SLAMF9: variants seen among roughly 807,000 people sequenced by gnomAD.
SLAMF9 encodes the protein CD2 family member 10.
SLAMF9 carries 25 observed loss-of-function variants against 30.4 expected under a neutral mutation model. That is an observed-to-expected ratio of 0.82 (90% CI 0.60 to 1.15). The LOEUF (loss-of-function observed/expected upper bound fraction) is 1.15. Ranked by LOEUF, SLAMF9 falls within the 50% of genes most tolerant of loss-of-function variation. SLAMF9 has a pLI of 0.00. For missense variants in SLAMF9, 344 were observed against 346.1 expected, an observed-to-expected ratio of 0.99 and a Z score of 0.05; for synonymous variants, 129 against 127.2, an observed-to-expected ratio of 1.01 and a Z score of -0.09.
At chr1:159,967,841 CTATTT>C in the SLAMF9 span, among the ~76,000 whole-genome samples, 1 of 152,050 alleles carries the variant, frequency 6.6e-6, no homozygotes, top group Non-Finnish European at 1.5e-5. Flanking sequence ...TTACATCTAA[CTATTT>C]TATTTTATCT....
chr1:159,962,687 T>C, the SLAMF9 span, among the ~76,000 whole-genome samples: 2 of 152,180 alleles, frequency 1.3e-5, no homozygotes, highest in Admixed American at 6.5e-5. Context: ...AGGGAAGGCC[T>C]GCACAGTGGC....
the SLAMF9 span, among the ~76,000 whole-genome samples, chr1:159,976,214 T>C: frequency 1.3e-5 from 2 of 152,082 alleles, no homozygotes; most frequent in Non-Finnish European, 2.9e-5. Flanking sequence ...ACAACTAAGA[T>C]GGTTATTAAT....
intron 1 of SLAMF9, 23 bp downstream of exon 1, chr1:159,954,069 C>T (rs763835251): frequency 6.2e-7 from 1 of 1,613,778 alleles, no homozygotes; most frequent in Admixed American, 1.7e-5. Context: ...CATTCCTGTG[C>T]ACGAGCTGGC....
the SLAMF9 span, among the ~76,000 whole-genome samples, chr1:159,981,573 C>G: frequency 6.6e-6 from 1 of 152,242 alleles, no homozygotes; most frequent in Non-Finnish European, 1.5e-5. Flanking sequence ...CTCCTCTTTT[C>G]CATCTGCTTT....
chr1:159,963,730 T>C, the SLAMF9 span, among the ~76,000 whole-genome samples: 1 of 152,204 alleles, frequency 6.6e-6, no homozygotes. Flanking sequence ...GTAGGTTTCA[T>C]ACCACCTGCA....
At chr1:159,955,660 A>G (rs1464244528), upstream of SLAMF9, among the ~76,000 whole-genome samples, 1 of 152,234 alleles carries the variant, frequency 6.6e-6, no homozygotes, top group African/African-American at 2.4e-5. Flanking sequence ...CTAACAATTG[A>G]CATTGGACAA....
chr1:159,965,232 A>G, the SLAMF9 span, among the ~76,000 whole-genome samples: 1 of 152,260 alleles, frequency 6.6e-6, no homozygotes, highest in African/African-American at 2.4e-5. Flanking sequence ...ACAGATCTGT[A>G]CCGTCTGATC....
At chr1:159,975,604 C>G in the SLAMF9 span, among the ~76,000 whole-genome samples, 1 of 151,986 alleles carries the variant, frequency 6.6e-6, no homozygotes, top group East Asian at 1.9e-4. Flanking sequence ...TTGAATCAAA[C>G]TTGCATTCGA....
the SLAMF9 span, among the ~76,000 whole-genome samples, chr1:159,969,823 A>G: frequency 0.011 from 1,656 of 152,304 alleles, 14 homozygotes; most frequent in South Asian, 0.033. Flanking sequence ...CAGGCAGATC[A>G]TTTGAGCCCA....
the SLAMF9 span, chr1:159,976,978 G>GAAAGAAAT: frequency 5.1e-4 from 22 of 43,156 alleles, no homozygotes; most frequent in African/African-American, 1.0e-3. Context: ...AAGAAGGAAA[G>GAAAGAAAT]AAGGAAAGAA....
intron 3 of SLAMF9, 61 bp downstream of exon 3, chr1:159,952,201 A>G: frequency 6.3e-7 from 1 of 1,577,468 alleles, no homozygotes; most frequent in Non-Finnish European, 8.7e-7. Flanking sequence ...TGGGGGAGGG[A>G]GATGGTGCCT....
chr1:159,953,852 C>A (rs1651861667), intron 1 of SLAMF9, among the ~76,000 whole-genome samples, 199 bp from the exon 2 acceptor site: 1 of 152,212 alleles, frequency 6.6e-6, no homozygotes, highest in African/African-American at 2.4e-5. Context: ...AGTTTGCTTC[C>A]ATCTGTCCCT....
At chr1:159,971,818 G>A in the SLAMF9 span, among the ~76,000 whole-genome samples, 2 of 152,100 alleles carry the variant, frequency 1.3e-5, no homozygotes, top group Non-Finnish European at 2.9e-5. Flanking sequence ...GGCCCTTAGA[G>A]CTACTTTCGT....
chr1:159,973,116 T>A, the SLAMF9 span: 2 of 1,526,136 alleles, frequency 1.3e-6, no homozygotes, highest in South Asian at 1.2e-5. Context: ...GAGTTCTGGG[T>A]GGGGGCCCCT....
the SLAMF9 span, among the ~76,000 whole-genome samples, chr1:159,968,544 A>T: frequency 1.3e-5 from 2 of 151,978 alleles, no homozygotes; most frequent in Non-Finnish European, 2.9e-5. Flanking sequence ...CACCCATGGT[A>T]CTCTTCTCTC....
the SLAMF9 span, among the ~76,000 whole-genome samples, chr1:159,961,762 G>T: frequency 6.6e-6 from 1 of 152,238 alleles, no homozygotes; most frequent in Non-Finnish European, 1.5e-5. Context: ...GCAGGGCCGA[G>T]AGATGGAGGC....
the SLAMF9 span, chr1:159,978,454 T>C: frequency 4.6e-5 from 7 of 152,268 alleles, no homozygotes; most frequent in African/African-American, 1.7e-4. Flanking sequence ...TGGACAAATG[T>C]AGACACCTGG....
chr1:159,954,145 GC>G lies in SLAMF9; in HGVS notation c.-9del. The G allele has an allele frequency of 1.2e-6, 2 of 1,614,082 alleles. No individual in the cohort carries two copies. The highest frequency in any genetic ancestry group is 1.7e-6 in the Non-Finnish European group (2 of 1,179,990). On this transcript the variant is annotated 5_prime_UTR_variant, in exon 1 of 4. Coordinates refer to ENST00000368093, the MANE Select transcript of SLAMF9 (RefSeq NM_033438.4). ...CCAAGGAAAGGCACACATGTCAGCA[GC>G]CCCCAGCCCCAGAGGTGTGATTCAG... is the stretch of plus-strand genomic sequence containing the variant.
rs1571228415 is a variant in SLAMF9 at position 159,952,478 on chromosome 1, A to G, written c.448T>C (p.Cys150Arg). ...ACAGAGCACACCAGGGACATACTGC[A>G]GGCACCTTCCCCAGAACTCTCAAAG... is the stretch of plus-strand genomic sequence containing the variant. ...VNFESSGEGA[C>R]SMSLVCSVEK... The change falls in exon 3 of 4, where the codon TGC (cysteine) becomes CGC (arginine). Residue 150 changes from cysteine to arginine, a missense_variant. Physicochemically the swap from Cys to Arg is radical, Grantham distance 180 (BLOSUM62 -3). Transcript: ENST00000368093. 6.2e-7 allele frequency: 1 copy of G among 1,614,110 alleles called. No homozygotes were observed. Among genetic ancestry groups the G allele is most frequent in the Non-Finnish European group, 8.5e-7 (1 of 1,180,012 alleles).
Sources: allele counts gnomAD v4.1 joint callset (sites outside exome capture counted in the v4.1 genomes callset), GRCh38; gene constraint gnomAD v4.1.1; transcripts MANE v1.5; gene names NCBI Gene and HGNC (gene_info 2026-07-23, HGNC 2026-07-21).